The following PDE4D variants were observed in gnomAD, a reference collection of about 807,000 sequenced individuals.
PDE4D encodes phosphodiesterase 4D, also known as 3',5'-cyclic-AMP phosphodiesterase 4D.
Under a neutral mutation model 87.4 loss-of-function variants are expected in PDE4D, and 24 were observed. The ratio of observed to expected loss-of-function variants is 0.27; its 90% CI spans 0.20 to 0.39. The LOEUF (loss-of-function observed/expected upper bound fraction) is 0.39. Among genes scored for constraint, PDE4D ranks in the 10% least tolerant of loss-of-function variants. The pLI is 1.00. For synonymous variants in PDE4D, 384 were observed against 383.2 expected (o/e 1.00, Z -0.02); for missense variants, 714 against 1,041.0 (o/e 0.69, Z 4.32).
chr5:60,483,016 G>A (rs780957669), intron 1 of PDE4D, among the ~76,000 whole-genome samples: 2 of 152,138 alleles, frequency 1.3e-5, no homozygotes, highest in African/African-American at 2.4e-5. Flanking sequence ...GGTACTCTAG[G>A]TTCCTGTCAC....
intron 1 of PDE4D, among the ~76,000 whole-genome samples, chr5:59,547,954 C>T (rs1817547198): frequency 1.3e-5 from 2 of 152,156 alleles, no homozygotes; most frequent in African/African-American, 4.8e-5. Flanking sequence ...GCTCTCATGT[C>T]ACAAGAATTA....
At chr5:60,466,933 A>G (rs1257636849) in intron 1 of PDE4D, among the ~76,000 whole-genome samples, 3 of 151,084 alleles carry the variant, frequency 2.0e-5, no homozygotes, top group Non-Finnish European at 4.4e-5. Context: ...TATGGCATAT[A>G]TATTTTAGGT....
intron 1 of PDE4D, among the ~76,000 whole-genome samples, chr5:59,402,197 AG>A (rs1432573199): frequency 6.6e-6 from 1 of 152,234 alleles, no homozygotes; most frequent in Non-Finnish European, 1.5e-5. Flanking sequence ...TCTCGTTTAA[AG>A]TGTGAATTCA....
intron 3 of PDE4D, among the ~76,000 whole-genome samples, chr5:59,925,533 A>G (rs1250344213): frequency 6.6e-6 from 1 of 152,196 alleles, no homozygotes; most frequent in Non-Finnish European, 1.5e-5. Flanking sequence ...CTAATATTGA[A>G]TATCAATGGA....
intron 5 of PDE4D, among the ~76,000 whole-genome samples, chr5:59,152,339 A>AAAAG (rs3061457): frequency 0.26 from 40,201 of 151,888 alleles, 5,834 homozygotes; most frequent in African/African-American, 0.38. Context: ...GGAAGGATGG[A>AAAAG]AAAGAAATGT....
intron 1 of PDE4D, among the ~76,000 whole-genome samples, chr5:59,370,511 G>A (rs1185511192): frequency 6.6e-6 from 1 of 152,148 alleles, no homozygotes; most frequent in Non-Finnish European, 1.5e-5. Context: ...AGATTTAAAT[G>A]TCAGTTTAAC....
intron 1 of PDE4D, among the ~76,000 whole-genome samples, chr5:59,569,366 T>C (rs557237394): frequency 2.8e-4 from 42 of 152,314 alleles, no homozygotes; most frequent in Non-Finnish European, 5.1e-4. Flanking sequence ...CATGGTTGCA[T>C]CTTTCAAGAA....
intron 1 of PDE4D, among the ~76,000 whole-genome samples, chr5:59,573,855 G>A (rs1371496751): frequency 6.6e-6 from 1 of 150,406 alleles, no homozygotes; most frequent in Non-Finnish European, 1.5e-5. Context: ...AAAATTAGCT[G>A]GGTGTGGCAG....
chr5:59,188,132 CTTTA>C (rs1187309715), intron 3 of PDE4D, among the ~76,000 whole-genome samples: 3 of 152,128 alleles, frequency 2.0e-5, no homozygotes, highest in Non-Finnish European at 4.4e-5. Flanking sequence ...GAATTCGACT[CTTTA>C]AGAACTGTAG....
rs183892893 is a variant in PDE4D, at chr5:60,508,985, C to T, written n.70+13066G>A. On this transcript the variant is annotated intron_variant and non_coding_transcript_variant, in intron 1 of 2. Transcript: ENST00000506510. ...CATGATCTCGGTTCACTGCAACCTC[C>T]GCCTCTCGGGTTCAAGCTATTCTCA... 2.2e-3 allele frequency among the ~76,000 whole-genome samples: 340 copies of T among 151,902 alleles called. 1 individual carries two copies. The highest frequency in any genetic ancestry group is 7.9e-3 in the African/African-American group (328 of 41,408).
intron 1 of PDE4D, among the ~76,000 whole-genome samples, chr5:60,251,647 A>C (rs1452149035): frequency 6.6e-6 from 1 of 151,964 alleles, no homozygotes; most frequent in African/African-American, 2.4e-5. Flanking sequence ...TATCTTTGCT[A>C]TTATGAATAG....
At chr5:59,554,818 T>A (rs888950950) in intron 1 of PDE4D, among the ~76,000 whole-genome samples, 1 of 152,142 alleles carries the variant, frequency 6.6e-6, no homozygotes, top group Non-Finnish European at 1.5e-5. Flanking sequence ...CACCATAATT[T>A]AAATGATGCA....
chr5:60,461,686 C>T (rs552224100), intron 1 of PDE4D, among the ~76,000 whole-genome samples: 1 of 152,260 alleles, frequency 6.6e-6, no homozygotes, highest in Non-Finnish European at 1.5e-5. Context: ...AACATACCAG[C>T]AAACAAAAAA....
At chr5:60,047,740 T>C (rs1223673095) in intron 2 of PDE4D, among the ~76,000 whole-genome samples, 1 of 152,236 alleles carries the variant, frequency 6.6e-6, no homozygotes, top group Non-Finnish European at 1.5e-5. Context: ...AGATAGTTTG[T>C]TATAATTTCT....
chr5:59,638,825 T>TG (rs1454042551), intron 1 of PDE4D, among the ~76,000 whole-genome samples: 13 of 152,148 alleles, frequency 8.5e-5, no homozygotes, highest in Admixed American at 8.5e-4. Flanking sequence ...GAGGCAGGTA[T>TG]GAGATGTCCT....
intron 6 of PDE4D, among the ~76,000 whole-genome samples, chr5:59,028,712 C>T (rs1193936426): frequency 1.3e-5 from 2 of 151,940 alleles, no homozygotes; most frequent in East Asian, 1.9e-4. Context: ...TTCTGCTGAA[C>T]GAATTTGCCA....
intron 5 of PDE4D, among the ~76,000 whole-genome samples, chr5:59,152,906 T>C (rs1105577): frequency 0.26 from 39,046 of 151,756 alleles, 5,349 homozygotes; most frequent in East Asian, 0.42. Flanking sequence ...GCCCAAAACA[T>C]AAAAGGAAAG....
In PDE4D at chr5:60,001,476, C is replaced by T. The variant is rs1485853560; in HGVS notation, c.43-12759G>A. Among the ~76,000 whole-genome samples, 3 of 152,122 alleles carry T rather than the reference C, an allele frequency of 2.0e-5. No individual in the cohort carries two copies. The East Asian group carries it at 5.8e-4, about 29-fold the overall frequency. On this transcript the variant is annotated intron_variant, in intron 2 of 16. Coordinates refer to the PDE4D transcript ENST00000502484. ...CTGAGGATGTTCATTACCACAAGAC[C>T]TGCCTTATAAGAAATACTAATGTGA...
intron 1 of PDE4D, among the ~76,000 whole-genome samples, chr5:60,308,784 C>T (rs1033552511): frequency 6.6e-6 from 1 of 152,106 alleles, no homozygotes; most frequent in Non-Finnish European, 1.5e-5. Flanking sequence ...GATGGCAAAA[C>T]AAATGCCCCA....
Sources: gnomAD v4.1 joint callset for allele counts (sites outside exome capture counted in the v4.1 genomes callset) on GRCh38, gnomAD v4.1.1 for gene constraint, MANE v1.5 for transcripts, NCBI Gene and HGNC (gene_info 2026-07-23, HGNC 2026-07-21) for gene names.